The following ERC2 variants were observed in gnomAD, a reference collection of about 807,000 sequenced individuals.
ERC2 encodes the protein ELKS/RAB6-interacting/CAST family member 2.
Under a neutral mutation model 114.8 loss-of-function variants are expected in ERC2, and 42 were observed. The ratio of observed to expected loss-of-function variants is 0.37; its 90% CI spans 0.29 to 0.47. The LOEUF (loss-of-function observed/expected upper bound fraction) is 0.47, where lower values mean the gene tolerates loss of function less well. Ranked by LOEUF, ERC2 falls within the 20% of genes least tolerant of loss-of-function variation. ERC2 has a pLI of 0.99. For synonymous variants in ERC2, 454 were observed against 425.5 expected (o/e 1.07, Z -0.82); for missense variants, 939 against 1,150.7 (o/e 0.82, Z 2.66).
intron 17 of ERC2, among the ~76,000 whole-genome samples, chr3:55,663,028 G>A (rs1190142083): frequency 6.6e-6 from 1 of 152,148 alleles, no homozygotes; most frequent in Non-Finnish European, 1.5e-5. Flanking sequence ...TATTAAATTT[G>A]GGAAAAGTCT....
intron 1 of ERC2, among the ~76,000 whole-genome samples, chr3:56,458,244 A>G (rs867614591): frequency 6.6e-6 from 1 of 152,222 alleles, no homozygotes; most frequent in African/African-American, 2.4e-5. Context: ...AAAAATATAT[A>G]TATAATAGAT....
At chr3:55,723,390 A>G (rs1273758339) in intron 15 of ERC2, among the ~76,000 whole-genome samples, 1 of 152,182 alleles carries the variant, frequency 6.6e-6, no homozygotes. Context: ...ATGTATCTCT[A>G]TGCTTTCAAC....
chr3:55,768,945 T>A (rs544106208), intron 14 of ERC2, among the ~76,000 whole-genome samples: 2 of 152,290 alleles, frequency 1.3e-5, no homozygotes, highest in South Asian at 2.1e-4. Flanking sequence ...TGTGGATAGA[T>A]CTTAGGACGG....
In ERC2 at chr3:55,783,779, T is replaced by C. The variant is rs74581808; in HGVS notation, c.2565-48861A>G. Among the ~76,000 whole-genome samples the C allele has an allele frequency of 6.2e-4, 95 of 152,152 alleles. 1 individual carries two copies. The East Asian group carries it at 0.016, about 26-fold the overall frequency. ...GCCCCAACAGGTGATAACGTGAGGA[T>C]CACCAAACACCCATCCCCAAGGCAA... is the stretch of plus-strand genomic sequence containing the variant. On this transcript the variant is annotated intron_variant, in intron 14 of 17. Coordinates refer to ENST00000288221, the MANE Select transcript of ERC2 (RefSeq NM_015576.3).
intron 3 of ERC2, among the ~76,000 whole-genome samples, chr3:56,189,962 A>G (rs1022778978): frequency 1.7e-4 from 26 of 152,236 alleles, no homozygotes; most frequent in African/African-American, 6.3e-4. Context: ...ATGAAAGCCC[A>G]AGGACTGAGA....
intron 7 of ERC2, among the ~76,000 whole-genome samples, chr3:56,047,761 C>T (rs567740651): frequency 6.6e-6 from 1 of 152,310 alleles, no homozygotes; most frequent in Admixed American, 6.5e-5. Context: ...TACATTTCCA[C>T]AGGCTCTCCC....
intron 7 of ERC2, among the ~76,000 whole-genome samples, chr3:56,054,965 C>T (rs1399601080): frequency 6.6e-6 from 1 of 152,180 alleles, no homozygotes; most frequent in African/African-American, 2.4e-5. Flanking sequence ...GGCTCACAGC[C>T]CTCATGGCAG....
chr3:56,389,658 C>A (rs2060058021), intron 2 of ERC2, among the ~76,000 whole-genome samples: 1 of 152,190 alleles, frequency 6.6e-6, no homozygotes, highest in African/African-American at 2.4e-5. Flanking sequence ...CAGAGGACTT[C>A]AGCTAGAGTC....
chr3:55,867,457 A>G (rs1310821931), intron 14 of ERC2, among the ~76,000 whole-genome samples: 1 of 152,198 alleles, frequency 6.6e-6, no homozygotes, highest in African/African-American at 2.4e-5. Flanking sequence ...TACATACACA[A>G]TGCCATCTGT....
intron 17 of ERC2, among the ~76,000 whole-genome samples, chr3:55,544,824 A>G (rs1350267642): frequency 2.6e-5 from 4 of 152,336 alleles, no homozygotes; most frequent in African/African-American, 9.6e-5. Flanking sequence ...ACTCCGTGCT[A>G]GGGCTGTTAC....
At chr3:56,160,151 C>T (rs1019487922) in intron 4 of ERC2, among the ~76,000 whole-genome samples, 3 of 152,220 alleles carry the variant, frequency 2.0e-5, no homozygotes, top group African/African-American at 7.2e-5. Flanking sequence ...CACAACCTCA[C>T]TAGCATCTGT....
intron 6 of ERC2, among the ~76,000 whole-genome samples, chr3:56,095,275 GA>G (rs1230811548): frequency 6.6e-6 from 1 of 151,992 alleles, no homozygotes; most frequent in African/African-American, 2.4e-5. Flanking sequence ...ATTTTAAAAA[GA>G]AAATATGGGG....
intron 17 of ERC2, among the ~76,000 whole-genome samples, chr3:55,646,058 C>T (rs1253295286): frequency 6.6e-6 from 1 of 152,300 alleles, no homozygotes; most frequent in East Asian, 1.9e-4. Context: ...CATTCCAAAC[C>T]AATTTCACAA....
chr3:55,606,172 T>C (rs1287430433), intron 17 of ERC2, among the ~76,000 whole-genome samples: 2 of 152,170 alleles, frequency 1.3e-5, no homozygotes, highest in Admixed American at 1.3e-4. Context: ...AACTCCGTGA[T>C]GGCTTGGGGT....
intron 2 of ERC2, among the ~76,000 whole-genome samples, chr3:56,333,820 G>GA (rs2057738144): frequency 6.6e-6 from 1 of 152,044 alleles, no homozygotes; most frequent in Admixed American, 6.5e-5. Flanking sequence ...AGAGATGTGA[G>GA]AATTTTTTAA....
intron 14 of ERC2, among the ~76,000 whole-genome samples, chr3:55,810,680 A>C (rs1192660970): frequency 6.6e-6 from 1 of 152,126 alleles, no homozygotes. Flanking sequence ...GGCTGGTCTC[A>C]AACTCCTGAC....
intron 7 of ERC2, among the ~76,000 whole-genome samples, chr3:56,036,910 G>A (rs551166134): frequency 3.3e-5 from 5 of 152,216 alleles, no homozygotes; most frequent in African/African-American, 9.6e-5. Flanking sequence ...CCAAGGGGAG[G>A]GGCAGCTGCC....
chr3:55,924,903 A>G (rs2065659747), intron 13 of ERC2, among the ~76,000 whole-genome samples: 1 of 152,150 alleles, frequency 6.6e-6, no homozygotes, highest in South Asian at 2.1e-4. Flanking sequence ...TGATCTGACT[A>G]GGGGCCAGTT....
chr3:55,525,585 T>C (rs1445713161), intron 17 of ERC2, among the ~76,000 whole-genome samples: 1 of 152,082 alleles, frequency 6.6e-6, no homozygotes, highest in African/African-American at 2.4e-5. Context: ...CAGCATGTGG[T>C]AAGGCCTGAA....
Sources: gnomAD v4.1 joint callset for allele counts (sites outside exome capture counted in the v4.1 genomes callset) on GRCh38, gnomAD v4.1.1 for gene constraint, MANE v1.5 for transcripts, NCBI Gene and HGNC (gene_info 2026-07-23, HGNC 2026-07-21) for gene names.